Variants in ACSL4 observed in about 807,000 individuals in gnomAD.
ACSL4 encodes the protein acyl-CoA synthetase long chain family member 4, also known as long-chain-fatty-acid--CoA ligase 4.
In ACSL4, 9 loss-of-function variants were observed where a neutral mutation model predicts 49.1. The observed-to-expected ratio is 0.18, with a 90% CI of 0.11 to 0.32. The LOEUF is 0.32. Ranked by LOEUF, ACSL4 falls within the 10% of genes least tolerant of loss-of-function variation. The pLI, the probability that ACSL4 is intolerant of heterozygous loss-of-function variation, is 1.00. For synonymous variants in ACSL4, 191 were observed against 170.3 expected (o/e 1.12, Z -0.95); for missense variants, 333 against 493.7 (o/e 0.67, Z 3.08).
intron 1 of ACSL4, among the ~76,000 whole-genome samples, chrX:109,705,451 T>C (rs1394284108): frequency 8.9e-6 from 1 of 112,502 alleles, no homozygotes; most frequent in African/African-American, 3.2e-5. Flanking sequence ...GTTTGACATT[T>C]TGTCTGTGTG....
intron 13 of ACSL4, 50 bp downstream of exon 13, chrX:109,663,161 T>C (rs778079653): frequency 1.9e-6 from 2 of 1,054,074 alleles, no homozygotes; most frequent in East Asian, 3.0e-5. Flanking sequence ...CTTTCATATA[T>C]ACTGAAGTTA....
rs1408634677 is a variant in ACSL4 at position 109,643,933 on chromosome X, A to T, written c.*96T>A. On this transcript the variant is annotated 3_prime_UTR_variant, in exon 16 of 16. Transcript: ENST00000672401. ...TTTTACTCTATCTTTAGAATGATAT[A>T]CCTTACATTCTAACAGTTCAACAAA... 4.2e-6 allele frequency: 4 copies of T among 949,568 alleles called. No individual in the cohort carries two copies. Among genetic ancestry groups the T allele is most frequent in the Middle Eastern group, 2.6e-4 (1 of 3,864 alleles). The allele number at this position is 949,568 out of a possible 1,213,427, so 78.3% of individuals were successfully genotyped here. A position where few individuals can be genotyped will look rare whatever the true frequency, so the allele number is the denominator to read the frequency against.
chrX:109,678,458 A>T, intron 6 of ACSL4, 43 bp from the exon 7 acceptor site: 1 of 1,170,787 alleles, frequency 8.5e-7, no homozygotes, highest in Non-Finnish European at 1.2e-6. Flanking sequence ...TTCAGTTCAA[A>T]AGTTAAATTA....
At chrX:109,673,125 T>C (rs976045714) in intron 9 of ACSL4, among the ~76,000 whole-genome samples, 2 of 111,980 alleles carry the variant, frequency 1.8e-5, no homozygotes, top group Admixed American at 9.4e-5. Flanking sequence ...AGGCCTAAAA[T>C]CGGAGATTAC....
In ACSL4 at chrX:109,720,261, C is replaced by T. The variant is rs1437176161; in HGVS notation, c.-66+12878G>A. ...AGGAGAATCACTTGAACCCAGGAGG[C>T]AGAGATTGCAGTGAGCCGAGATCAC... On this transcript the variant is annotated intron_variant, in intron 1 of 15. Coordinates refer to ENST00000672401, the MANE Select transcript of ACSL4 (RefSeq NM_001318510.2). Among the ~76,000 whole-genome samples, 14 of 109,138 alleles carry T rather than the reference C, an allele frequency of 1.3e-4. 3 individuals are homozygous for T. In the South Asian group the frequency reaches 1.6e-3, roughly 12 times the overall value. 94.8% of individuals were successfully genotyped at this position (109,138 alleles called of 115,157 possible).
intron 15 of ACSL4, among the ~76,000 whole-genome samples, chrX:109,649,445 A>T (rs1934911224): frequency 8.9e-6 from 1 of 111,850 alleles, no homozygotes; most frequent in African/African-American, 3.3e-5. Flanking sequence ...CTATTTAATA[A>T]ATGGTGCTGG....
intron 15 of ACSL4, among the ~76,000 whole-genome samples, chrX:109,653,182 A>G (rs1346674201): frequency 1.8e-5 from 2 of 111,773 alleles, no homozygotes; most frequent in African/African-American, 3.3e-5. Context: ...ATTCTTATGC[A>G]GCCAAAAGAC....
intron 2 of ACSL4, among the ~76,000 whole-genome samples, chrX:109,694,534 T>TGGGGGGAAATG (rs1925279030): frequency 8.9e-6 from 1 of 111,881 alleles, no homozygotes; most frequent in Non-Finnish European, 1.9e-5. Flanking sequence ...GACACAGAGC[T>TGGGGGGAAATG]ACCAAGTTGT....
chrX:109,717,684 A>G (rs1438295926), intron 1 of ACSL4, among the ~76,000 whole-genome samples: 1 of 110,877 alleles, frequency 9.0e-6, no homozygotes, highest in African/African-American at 3.3e-5. Flanking sequence ...AGAGCAAGGG[A>G]AAAAAATGGT....
chrX:109,697,419 A>C (rs191393334), intron 1 of ACSL4, among the ~76,000 whole-genome samples: 487 of 111,514 alleles, frequency 4.4e-3, no homozygotes, highest in Non-Finnish European at 5.1e-3. Context: ...TGTAATCATC[A>C]CACTAACTAG....
At chrX:109,667,094 C>T (rs1311942597) in intron 11 of ACSL4, among the ~76,000 whole-genome samples, 7 of 112,536 alleles carry the variant, frequency 6.2e-5, no homozygotes, top group Non-Finnish European at 1.3e-4. Context: ...GATGGTATCA[C>T]CATTGACACA....
At position 109,663,374 on chromosome X, in the gene ACSL4, G is replaced by T; in HGVS notation, c.1419C>A (p.Asn473Lys). 8.3e-7 allele frequency: 1 copy of T among 1,209,907 alleles called. No homozygotes were observed. Reference protein sequence around the residue: ...EGGYTINDKPNPRGEIVIGGQ... With the variant: ...EGGYTINDKPKPRGEIVIGGQ... ...CACCAATTACGATTTCACCTCTGGGGTTTGGCTTGTCATTAATTGTATAAC... is the reference window on the plus strand; with the variant it reads ...CACCAATTACGATTTCACCTCTGGGTTTTGGCTTGTCATTAATTGTATAAC... The change falls in exon 13 of 16, where the codon AAC (asparagine) becomes AAA (lysine). Residue 473 changes from asparagine to lysine, a missense_variant. By Grantham distance (94) the Asn-to-Lys change is moderately conservative. Around this residue, in one of 3 missense-constraint regions of ACSL4, gnomAD observed 175 missense variants for 275.8 expected, o/e 0.63. Transcript: ENST00000672401.
At chrX:109,645,431 G>A (rs1171573809) in intron 15 of ACSL4, among the ~76,000 whole-genome samples, 6 of 111,503 alleles carry the variant, frequency 5.4e-5, no homozygotes, top group South Asian at 3.8e-4. Context: ...TCACACGGCC[G>A]GGTACTCCAA....
chrX:109,697,815 C>T (rs957711642), intron 1 of ACSL4, among the ~76,000 whole-genome samples: 1 of 106,185 alleles, frequency 9.4e-6, no homozygotes, highest in Admixed American at 1.0e-4. Context: ...TATATAAAAA[C>T]GTACACATTT....
intron 2 of ACSL4, among the ~76,000 whole-genome samples, chrX:109,693,409 A>G (rs1008239735): frequency 5.3e-5 from 6 of 112,230 alleles, no homozygotes; most frequent in African/African-American, 1.9e-4. Flanking sequence ...GTAGTAAAGA[A>G]CAGAAGGCCA....
At chrX:109,668,346 C>T (rs1400527001) in intron 10 of ACSL4, 73 bp from the exon 11 acceptor site, 1 of 936,297 alleles carries the variant, frequency 1.1e-6, no homozygotes, top group African/African-American at 1.9e-5. Context: ...TTTATAAGCT[C>T]TGGGAAAGAT....
chrX:109,716,374 T>C (rs765308309), intron 1 of ACSL4, among the ~76,000 whole-genome samples: 6 of 112,633 alleles, frequency 5.3e-5, no homozygotes, highest in African/African-American at 1.6e-4. Context: ...CCTGGCTTGC[T>C]TTGAAAATGA....
At chrX:109,650,335 T>C (rs1435415794) in intron 15 of ACSL4, among the ~76,000 whole-genome samples, 1 of 109,824 alleles carries the variant, frequency 9.1e-6, no homozygotes, top group Non-Finnish European at 1.9e-5. Flanking sequence ...CACCAGGGAA[T>C]ACTATGCAGC....
intron 15 of ACSL4, among the ~76,000 whole-genome samples, chrX:109,645,515 G>A (rs376009277): frequency 4.7e-5 from 5 of 106,853 alleles, no homozygotes; most frequent in East Asian, 5.9e-4. Flanking sequence ...ACCAAAAACC[G>A]ATCTGTACAT....
Sources: allele counts gnomAD v4.1 joint callset (sites outside exome capture counted in the v4.1 genomes callset), GRCh38; gene constraint gnomAD v4.1.1; regional missense constraint gnomAD v4.1.1; transcripts MANE v1.5; gene names NCBI Gene and HGNC (gene_info 2026-07-23, HGNC 2026-07-21).